Variants in FOXP1 observed in about 807,000 individuals in gnomAD.
FOXP1 encodes forkhead box protein P1.
Under a neutral mutation model 98.2 loss-of-function variants are expected in FOXP1, and 15 were observed. The ratio of observed to expected loss-of-function variants is 0.15; its 90% CI spans 0.10 to 0.24. The LOEUF is 0.24. FOXP1 is among the 10% of genes least tolerant of loss of function. The pLI is 1.00. For synonymous variants in FOXP1, 371 were observed against 314.5 expected (o/e 1.18, Z -1.90); for missense variants, 633 against 848.5 (o/e 0.75, Z 3.15).
At chr3:71,165,801 G>T (rs2061372773) in intron 6 of FOXP1, among the ~76,000 whole-genome samples, 1 of 152,042 alleles carries the variant, frequency 6.6e-6, no homozygotes, top group Admixed American at 6.5e-5. Context: ...CCACTTGGAG[G>T]TCTGTGCAAA....
chr3:71,024,116 C>T (rs2045803498), intron 11 of FOXP1, among the ~76,000 whole-genome samples: 1 of 152,176 alleles, frequency 6.6e-6, no homozygotes. Context: ...AGTTTCTTCA[C>T]ATTCCATACT....
chr3:71,324,226 A>G (rs1349467555), intron 4 of FOXP1, among the ~76,000 whole-genome samples: 1 of 152,218 alleles, frequency 6.6e-6, no homozygotes, highest in African/African-American at 2.4e-5. Flanking sequence ...AGTTCTGAAT[A>G]CCAATTTGGT....
At chr3:71,051,086 T>G (rs1328668129) in intron 9 of FOXP1, among the ~76,000 whole-genome samples, 1 of 152,168 alleles carries the variant, frequency 6.6e-6, no homozygotes, top group Non-Finnish European at 1.5e-5. Context: ...CCCTGCTGAA[T>G]TAGAAAAACA....
At chr3:71,466,731 T>C (rs1326076506) in intron 3 of FOXP1, among the ~76,000 whole-genome samples, 1 of 152,074 alleles carries the variant, frequency 6.6e-6, no homozygotes, top group Admixed American at 6.5e-5. Flanking sequence ...AGGGAGAAAG[T>C]AGAAAGATAT....
At chr3:70,979,695 T>G (rs1264361648) in intron 14 of FOXP1, among the ~76,000 whole-genome samples, 1 of 151,750 alleles carries the variant, frequency 6.6e-6, no homozygotes, top group African/African-American at 2.4e-5. Context: ...AAAAATGAGA[T>G]TCCTCTGAGA....
chr3:71,165,145 C>T (rs767886710), intron 6 of FOXP1, among the ~76,000 whole-genome samples: 21 of 151,390 alleles, frequency 1.4e-4, no homozygotes, highest in Non-Finnish European at 2.8e-4. Flanking sequence ...CTTTCTCTTT[C>T]CTGAAAGGGA....
chr3:71,417,024 G>A (rs1241494286), intron 3 of FOXP1, among the ~76,000 whole-genome samples: 1 of 152,158 alleles, frequency 6.6e-6, no homozygotes, highest in Non-Finnish European at 1.5e-5. Context: ...GAACCAGTCA[G>A]TCTCTGATAA....
At chr3:71,238,061 A>T (rs1332379475) in intron 5 of FOXP1, among the ~76,000 whole-genome samples, 3 of 152,266 alleles carry the variant, frequency 2.0e-5, no homozygotes, top group African/African-American at 7.2e-5. Flanking sequence ...AAGGCTTTAC[A>T]TCCCATAGGC....
At chr3:71,492,560 T>G (rs2091139693) in intron 3 of FOXP1, among the ~76,000 whole-genome samples, 2 of 152,090 alleles carry the variant, frequency 1.3e-5, no homozygotes, top group South Asian at 4.1e-4. Context: ...TCACTACACT[T>G]CTCTCCATTA....
In FOXP1 at chr3:71,583,279, G is replaced by A. The variant is rs555904328; in HGVS notation, c.-447+292C>T. Among the ~76,000 whole-genome samples the A allele has an allele frequency of 3.0e-3, 458 of 152,222 alleles. 1 individual carries two copies. Among genetic ancestry groups the A allele is most frequent in the African/African-American group, 0.011 (444 of 41,570 alleles). Reference sequence around the variant, plus strand: ...TTTGACTTATGCAAATAAACCCAAAGGGTGCGGGCGCCGCCGGAGCTCCCT... The same window carrying A: ...TTTGACTTATGCAAATAAACCCAAAAGGTGCGGGCGCCGCCGGAGCTCCCT... On this transcript the variant is annotated intron_variant, in intron 1 of 20. Coordinates refer to ENST00000649528, the MANE Select transcript of FOXP1 (RefSeq NM_001349338.3).
intron 6 of FOXP1, among the ~76,000 whole-genome samples, chr3:71,170,804 T>C (rs1028595294): frequency 2.6e-5 from 4 of 152,206 alleles, no homozygotes; most frequent in Non-Finnish European, 5.9e-5. Flanking sequence ...GGCAAATTTA[T>C]ACTCTTGATT....
chr3:71,178,478 G>A (rs1286219141), intron 6 of FOXP1, among the ~76,000 whole-genome samples: 2 of 152,154 alleles, frequency 1.3e-5, no homozygotes, highest in Non-Finnish European at 2.9e-5. Flanking sequence ...GGGTGCAGTG[G>A]CTCACTCATG....
At chr3:70,962,855 A>G (rs747194202) in intron 20 of FOXP1, among the ~76,000 whole-genome samples, 68 of 152,226 alleles carry the variant, frequency 4.5e-4, no homozygotes, top group Non-Finnish European at 2.5e-4. Flanking sequence ...TTCTTGCTGT[A>G]TAATTTTAGA....
At chr3:71,082,635 A>AG (rs2054573915) in intron 7 of FOXP1, among the ~76,000 whole-genome samples, 1 of 151,746 alleles carries the variant, frequency 6.6e-6, no homozygotes, top group African/African-American at 2.4e-5. Context: ...AAAATAAAAA[A>AG]AAAAGAAAAC....
intron 3 of FOXP1, among the ~76,000 whole-genome samples, chr3:71,469,901 G>A (rs2089157949): frequency 6.6e-6 from 1 of 152,060 alleles, no homozygotes; most frequent in South Asian, 2.1e-4. Flanking sequence ...AAAATTCAAA[G>A]CAACACCTAT....
At position 70,958,980 on chromosome 3, in the gene FOXP1, G is replaced by T. The variant is rs558969782; in HGVS notation, c.*267C>A. 123 of 461,176 alleles carry T rather than the reference G, an allele frequency of 2.7e-4. No homozygotes were observed. The highest frequency in any genetic ancestry group is 2.5e-3 in the South Asian group (118 of 46,362). The allele number at this position is 461,176 out of a possible 1,614,324, so 28.6% of individuals were successfully genotyped here. ...TTACAACACTGATGTTGACGGTTAA[G>T]AGAGGAAAATCCCAAGTACCAAACA... On this transcript the variant is annotated 3_prime_UTR_variant, in exon 21 of 21. Transcript: ENST00000649528.
In FOXP1 at chr3:71,261,328, G is replaced by T. The variant is rs531776022; in HGVS notation, c.-12+38492C>A. On this transcript the variant is annotated intron_variant, in intron 5 of 20. Coordinates refer to ENST00000649528, the MANE Select transcript of FOXP1 (RefSeq NM_001349338.3). ...ATCAAATACATTAATAAAAAAATTA[G>T]ATTTTTTTTAACTTTAGTTTCCAGT... Among the ~76,000 whole-genome samples the T allele has an allele frequency of 4.0e-5, 6 of 151,468 alleles. No homozygotes were observed. The South Asian group carries it at 1.2e-3, about 32-fold the overall frequency.
intron 6 of FOXP1, among the ~76,000 whole-genome samples, chr3:71,148,488 G>A (rs1435773302): frequency 6.6e-6 from 1 of 152,140 alleles, no homozygotes; most frequent in Non-Finnish European, 1.5e-5. Flanking sequence ...TTACTGATTT[G>A]TTTTTATTAC....
At chr3:71,576,624 T>C (rs775549703) in intron 2 of FOXP1, among the ~76,000 whole-genome samples, 24 of 152,246 alleles carry the variant, frequency 1.6e-4, no homozygotes, top group Non-Finnish European at 2.6e-4. Flanking sequence ...CTGAAGGAAC[T>C]AATTTAACCC....
Sources: gnomAD v4.1 joint callset for allele counts (sites outside exome capture counted in the v4.1 genomes callset) on GRCh38, gnomAD v4.1.1 for gene constraint, MANE v1.5 for transcripts, NCBI Gene and HGNC (gene_info 2026-07-23, HGNC 2026-07-21) for gene names.